Variants in MICAL3 observed in about 807,000 individuals in gnomAD.
MICAL3 encodes microtubule associated monooxygenase, calponin and LIM domain containing 3.
Under a neutral mutation model 207.4 loss-of-function variants are expected in MICAL3, and 62 were observed. That is an observed-to-expected ratio of 0.30 (90% CI 0.24 to 0.37). MICAL3 has a LOEUF of 0.37. MICAL3 is among the 10% of genes least tolerant of loss of function. The pLI is 1.00. For synonymous variants in MICAL3, 1,077 were observed against 1,069.3 expected, an observed-to-expected ratio of 1.01 and a Z score of -0.14; for missense variants, 2,368 against 2,635.6, an observed-to-expected ratio of 0.90 and a Z score of 2.22.
intron 10 of MICAL3, among the ~76,000 whole-genome samples, chr22:17,895,002 CT>C (rs1219180328): frequency 6.6e-6 from 1 of 152,174 alleles, no homozygotes; most frequent in East Asian, 1.9e-4. Context: ...GGCAAGTGCT[CT>C]TCCGTAAAGT....
intron 16 of MICAL3, chr22:17,876,796 A>AGGTT (rs1928466069): frequency 1.7e-5 from 2 of 120,072 alleles, no homozygotes; most frequent in East Asian, 2.4e-4. Context: ...GAGGTTAGGG[A>AGGTT]AGTTATGGAG....
intron 1 of MICAL3, among the ~76,000 whole-genome samples, chr22:17,919,076 G>GTTTTTTTTTTTTTTTTTTTTTT (rs35096617): frequency 2.2e-5 from 3 of 136,502 alleles, no homozygotes; most frequent in African/African-American, 8.9e-5. Context: ...GTTTTTGTGG[G>GTTTTTTTTTTTTTTTTTTTTTT]TTTTTTTTTT....
intron 1 of MICAL3, among the ~76,000 whole-genome samples, chr22:17,942,352 A>C (rs1933846507): frequency 6.6e-6 from 1 of 152,018 alleles, no homozygotes; most frequent in Non-Finnish European, 1.5e-5. Flanking sequence ...CCCCACCAAG[A>C]ACAGCTCTGT....
intron 22 of MICAL3, among the ~76,000 whole-genome samples, chr22:17,827,033 C>CAGGA (rs1163258578): frequency 1.3e-5 from 2 of 152,150 alleles, no homozygotes; most frequent in African/African-American, 2.4e-5. Context: ...GACAGCATGC[C>CAGGA]AGGAAAGATG....
chr22:17,894,170 G>T (rs1930628668), intron 10 of MICAL3, among the ~76,000 whole-genome samples: 1 of 152,094 alleles, frequency 6.6e-6, no homozygotes, highest in Admixed American at 6.5e-5. Flanking sequence ...CCTATAGTTG[G>T]GGAGGCCGAG....
At chr22:17,791,366 C>T (rs529051973) in intron 29 of MICAL3, 65 bp from the exon 30 acceptor site, 2 of 1,375,014 alleles carry the variant, frequency 1.5e-6, no homozygotes, top group Admixed American at 3.8e-5. Context: ...GCAGGAATCA[C>T]ACGGGGCAAA....
At chr22:17,949,873 G>C (rs1196893052) in intron 1 of MICAL3, among the ~76,000 whole-genome samples, 1 of 152,236 alleles carries the variant, frequency 6.6e-6, no homozygotes, top group Non-Finnish European at 1.5e-5. Flanking sequence ...GGCACAATGC[G>C]AATCTGGGTC....
intron 1 of MICAL3, among the ~76,000 whole-genome samples, chr22:17,985,105 C>T (rs1187164563): frequency 4.6e-5 from 7 of 152,210 alleles, no homozygotes; most frequent in African/African-American, 1.7e-4. Flanking sequence ...AGCAAAGCCA[C>T]GCAAGAGTTG....
At chr22:17,854,172 C>CAGTTGAA (rs1925642387) in intron 19 of MICAL3, among the ~76,000 whole-genome samples, 1 of 152,086 alleles carries the variant, frequency 6.6e-6, no homozygotes, top group Non-Finnish European at 1.5e-5. Context: ...TGATTTTTCC[C>CAGTTGAA]CTGGGTCACT....
Position 17,906,683 on chromosome 22 carries a change from T to C in MICAL3, c.130A>G (p.Lys44Glu). Residue 44 changes from lysine (K) to glutamate (E), a missense_variant, in exon 2 of 32, where the codon AAG (lysine) becomes GAG (glutamate). Physicochemically the swap from Lys to Glu is moderately conservative, Grantham distance 56. This residue lies in a region of MICAL3 where 400 missense variants were observed against 547.0 expected (regional missense o/e 0.73). Coordinates refer to ENST00000441493, the MANE Select transcript of MICAL3 (RefSeq NM_015241.3). ...ELCDHLELKPKDYRSFYHKLK... is the reference protein window; with the variant it reads ...ELCDHLELKPEDYRSFYHKLK... ...TTGTGATAGAAGGAGCGGTAGTCCT[T>C]TGGCTTTAGTTCCAGGTGGTCACAG... The C allele has an allele frequency of 6.2e-7, 1 of 1,614,000 alleles. No individual in the cohort carries two copies. Among genetic ancestry groups the C allele is most frequent in the Non-Finnish European group, 8.5e-7 (1 of 1,179,880 alleles).
At chr22:17,819,157 G>C (rs1473619428) in intron 25 of MICAL3, 28 bp from the exon 26 acceptor site, 2 of 1,445,338 alleles carry the variant, frequency 1.4e-6, no homozygotes, top group Admixed American at 2.5e-5. Context: ...AGAAGCCGCT[G>C]AGAAGGTGTG....
At chr22:17,821,991 A>G (rs753535574) in intron 24 of MICAL3, 39 bp downstream of exon 24, 2 of 1,607,432 alleles carry the variant, frequency 1.2e-6, no homozygotes, top group Admixed American at 3.3e-5. Flanking sequence ...CCCTCGTAGG[A>G]ATTCTGAAAG....
chr22:17,866,266 C>A (rs541590335), intron 17 of MICAL3, among the ~76,000 whole-genome samples: 1 of 152,342 alleles, frequency 6.6e-6, no homozygotes, highest in South Asian at 2.1e-4. Context: ...AGCCATCACC[C>A]AATCAGTGCC....
chr22:17,945,147 C>G (rs772822216), intron 1 of MICAL3, among the ~76,000 whole-genome samples: 27 of 151,848 alleles, frequency 1.8e-4, no homozygotes, highest in Non-Finnish European at 3.2e-4. Context: ...CTCCCTGACC[C>G]CCAGGAAAAA....
intron 1 of MICAL3, among the ~76,000 whole-genome samples, chr22:17,930,367 G>A (rs1933182681): frequency 6.6e-6 from 1 of 152,222 alleles, no homozygotes; most frequent in South Asian, 2.1e-4. Context: ...AATGCTCATT[G>A]CAGCTTTATT....
intron 1 of MICAL3, among the ~76,000 whole-genome samples, chr22:17,992,417 C>G (rs116020599): frequency 6.6e-6 from 1 of 152,204 alleles, no homozygotes; most frequent in Admixed American, 6.5e-5. Flanking sequence ...TAGCACTCTA[C>G]GTCCAGGGCT....
chr22:17,830,267 G>A (rs1041596869), intron 21 of MICAL3, among the ~76,000 whole-genome samples: 22 of 152,126 alleles, frequency 1.4e-4, no homozygotes, highest in African/African-American at 4.6e-4. Flanking sequence ...CACAGGCACC[G>A]TCGGCTGCCC....
chr22:17,858,196 C>A (rs1011288910), intron 19 of MICAL3, among the ~76,000 whole-genome samples: 9 of 152,044 alleles, frequency 5.9e-5, no homozygotes, highest in African/African-American at 1.9e-4. Flanking sequence ...CCAAGGTAAG[C>A]GGTGAGGAGA....
At position 17,818,251 on chromosome 22, in the gene MICAL3, G is replaced by A. The variant is rs1201761565; in HGVS notation, c.4410C>T (p.Ala1470=). 2.0e-6 allele frequency: 3 copies of A among 1,527,468 alleles called. No individual in the cohort carries two copies. Among genetic ancestry groups the A allele is most frequent in the South Asian group, 1.2e-5 (1 of 83,632 alleles). 94.6% of individuals were successfully genotyped at this position (1,527,468 alleles called of 1,614,324 possible). The stretch of plus-strand genomic sequence containing the variant: ...CCTCCCTGAGCTTCCTCCGCAAGGT[G>A]GCGGGCTCCTCGCCCGGGGGTGGCG... ...PPPPPPGEEP[A]TLRRKLREAE... Residue 1470 remains alanine, a synonymous_variant, in exon 26 of 32, where the codon GCC becomes GCT. Coordinates refer to ENST00000441493, the MANE Select transcript of MICAL3 (RefSeq NM_015241.3).
Sources: gnomAD v4.1 joint callset for allele counts (sites outside exome capture counted in the v4.1 genomes callset) on GRCh38, gnomAD v4.1.1 for gene constraint, gnomAD v4.1.1 regional missense constraint, MANE v1.5 for transcripts, NCBI Gene and HGNC (gene_info 2026-07-23, HGNC 2026-07-21) for gene names.